Variants in NAALADL2 observed in about 807,000 individuals in gnomAD.
The protein encoded by NAALADL2 is inactive N-acetylated-alpha-linked acidic dipeptidase-like protein 2.
Under a neutral mutation model 87.2 loss-of-function variants are expected in NAALADL2, and 76 were observed. The ratio of observed to expected loss-of-function variants is 0.87; its 90% CI spans 0.72 to 1.05. NAALADL2 has a LOEUF of 1.05. Among genes scored for constraint, NAALADL2 ranks in the 50% least tolerant of loss-of-function variants. The pLI is 0.00. For missense variants in NAALADL2, 1,089 were observed against 945.8 expected, an observed-to-expected ratio of 1.15 and a Z score of -1.99; for synonymous variants, 354 against 331.0, an observed-to-expected ratio of 1.07 and a Z score of -0.75.
chr3:175,510,203 G>T (rs1317243784), intron 9 of NAALADL2, among the ~76,000 whole-genome samples: 1 of 152,082 alleles, frequency 6.6e-6, no homozygotes, highest in Admixed American at 6.6e-5. Flanking sequence ...AAAACCATCA[G>T]ATCTCATGAG....
rs73881329 is a variant in NAALADL2, at chr3:175,644,325, T to A, written c.1896+16939T>A. The stretch of plus-strand genomic sequence containing the variant: ...TTTGCCAATATCTTTATGTTTTTAG[T>A]CCTTTGAGGTTCTTAAATTCCTACC... On this transcript the variant is annotated intron_variant, in intron 11 of 13. Coordinates refer to ENST00000454872, the MANE Select transcript of NAALADL2 (RefSeq NM_207015.3). Among the ~76,000 whole-genome samples, 525 of 152,242 alleles carry A rather than the reference T, an allele frequency of 3.4e-3. 4 individuals carry two copies. Among genetic ancestry groups the A allele is most frequent in the African/African-American group, 0.012 (487 of 41,572 alleles).
chr3:175,312,280 C>A (rs1758472425), intron 4 of NAALADL2, among the ~76,000 whole-genome samples: 1 of 152,034 alleles, frequency 6.6e-6, no homozygotes, highest in Non-Finnish European at 1.5e-5. Context: ...TATGCTAGAC[C>A]TATTTAATTT....
At chr3:175,541,453 C>T (rs971818279) in intron 9 of NAALADL2, among the ~76,000 whole-genome samples, 2 of 152,024 alleles carry the variant, frequency 1.3e-5, no homozygotes, top group African/African-American at 2.4e-5. Context: ...AACACAAAGC[C>T]GATTTTATAA....
At chr3:174,519,639 T>G (rs1277245815) in intron 1 of NAALADL2, among the ~76,000 whole-genome samples, 15 of 152,038 alleles carry the variant, frequency 9.9e-5, no homozygotes, top group Admixed American at 6.6e-5. Context: ...CCAGGGTTTT[T>G]TTTAATGCTC....
At chr3:175,738,027 T>C (rs1286034440) in intron 12 of NAALADL2, among the ~76,000 whole-genome samples, 2 of 152,112 alleles carry the variant, frequency 1.3e-5, no homozygotes, top group African/African-American at 4.8e-5. Context: ...TCCTAATTTG[T>C]CTTCATTAAC....
intron 2 of NAALADL2, among the ~76,000 whole-genome samples, chr3:175,165,649 A>C (rs1395540362): frequency 6.6e-6 from 1 of 152,128 alleles, no homozygotes; most frequent in Non-Finnish European, 1.5e-5. Flanking sequence ...AAATTAATTA[A>C]CTTAGTGTGT....
At chr3:174,858,634 T>C (rs1346763115), upstream of NAALADL2, among the ~76,000 whole-genome samples, 1 of 151,936 alleles carries the variant, frequency 6.6e-6, no homozygotes, top group East Asian at 1.9e-4. Flanking sequence ...AATGCTGCAG[T>C]TCAGCATTCA....
At chr3:175,422,682 T>C (rs1178853174) in intron 5 of NAALADL2, among the ~76,000 whole-genome samples, 2 of 152,064 alleles carry the variant, frequency 1.3e-5, no homozygotes, top group Non-Finnish European at 2.9e-5. Flanking sequence ...AAATAACTTT[T>C]AGCTTTTTAT....
intron 1 of NAALADL2, among the ~76,000 whole-genome samples, chr3:174,898,112 CAA>C (rs913382744): frequency 4.1e-3 from 60 of 14,468 alleles, no homozygotes; most frequent in African/African-American, 0.015. Context: ...GACTCCGTCT[CAA>C]AAAAAAAAAA....
chr3:174,467,753 T>A (rs541203991), intron 1 of NAALADL2, among the ~76,000 whole-genome samples: 1 of 152,032 alleles, frequency 6.6e-6, no homozygotes, highest in Admixed American at 6.6e-5. Flanking sequence ...TTTATTCTTA[T>A]GTGAAAAAAG....
chr3:174,681,447 G>T (rs753369999), intron 2 of NAALADL2, among the ~76,000 whole-genome samples: 1 of 152,050 alleles, frequency 6.6e-6, no homozygotes, highest in Non-Finnish European at 1.5e-5. Context: ...CCCTCTGCCT[G>T]CAGAGGAGAG....
intron 1 of NAALADL2, among the ~76,000 whole-genome samples, chr3:175,043,500 G>C (rs918922768): frequency 2.0e-5 from 3 of 152,124 alleles, no homozygotes; most frequent in Non-Finnish European, 4.4e-5. Context: ...GTCTCCCAAA[G>C]TGCTGGCGTT....
intron 1 of NAALADL2, among the ~76,000 whole-genome samples, chr3:175,012,550 A>AT (rs1749983114): frequency 6.6e-6 from 1 of 152,086 alleles, no homozygotes; most frequent in Non-Finnish European, 1.5e-5. Context: ...TAATTTTTTT[A>AT]TTTTTGATAT....
chr3:174,805,253 A>G lies in NAALADL2; in HGVS notation c.-9+67507A>G, dbSNP rs187388120. Among the ~76,000 whole-genome samples the G allele has an allele frequency of 4.7e-3, 721 of 152,294 alleles. 6 individuals carry two copies. Among genetic ancestry groups the G allele is most frequent in the Admixed American group, 9.0e-3 (137 of 15,280 alleles). ...TGGGATTGGCCAAAATGTGATTAAA[A>G]GAATGACATGTATTTAGTAGATCTG... On this transcript the variant is annotated intron_variant, in intron 3 of 3. Transcript: ENST00000434257.
At chr3:175,397,708 T>C (rs1423874431) in intron 5 of NAALADL2, among the ~76,000 whole-genome samples, 1 of 152,162 alleles carries the variant, frequency 6.6e-6, no homozygotes, top group Non-Finnish European at 1.5e-5. Flanking sequence ...GTTTTATTTG[T>C]TGTAATATAT....
intron 9 of NAALADL2, among the ~76,000 whole-genome samples, chr3:175,502,302 G>T (rs1394395911): frequency 6.6e-6 from 1 of 151,718 alleles, no homozygotes; most frequent in Non-Finnish European, 1.5e-5. Context: ...ATTTGAATGA[G>T]TAGGCTGAGT....
chr3:175,440,864 G>A (rs772622898), intron 5 of NAALADL2, among the ~76,000 whole-genome samples: 2 of 152,072 alleles, frequency 1.3e-5, no homozygotes, highest in Admixed American at 6.6e-5. Flanking sequence ...TAACAGTTTG[G>A]ATGTCCTTTA....
intron 6 of NAALADL2, among the ~76,000 whole-genome samples, chr3:175,460,508 T>C (rs1549110): frequency 0.77 from 117,165 of 152,078 alleles, 45,427 homozygotes; most frequent in East Asian, 0.89. Context: ...AGGTTTATTT[T>C]CTTTGACCTC....
At chr3:174,763,833 A>AC (rs201885696) in intron 3 of NAALADL2, among the ~76,000 whole-genome samples, 2,954 of 149,360 alleles carry the variant, frequency 0.02, 63 homozygotes, top group African/African-American at 0.049. Context: ...ACAAAACAAA[A>AC]AAAAAAAAAC....
Sources: gnomAD v4.1 joint callset for allele counts (sites outside exome capture counted in the v4.1 genomes callset) on GRCh38, gnomAD v4.1.1 for gene constraint, MANE v1.5 for transcripts, NCBI Gene and HGNC (gene_info 2026-07-23, HGNC 2026-07-21) for gene names.